KIAA2012: variants seen among roughly 807,000 people sequenced by gnomAD.
KIAA2012 encodes uncharacterized protein KIAA2012.
Under a neutral mutation model 150.6 loss-of-function variants are expected in KIAA2012, and 125 were observed. The ratio of observed to expected loss-of-function variants is 0.83; its 90% CI spans 0.72 to 0.96. The LOEUF (loss-of-function observed/expected upper bound fraction) is 0.96. Ranked by LOEUF, KIAA2012 falls within the 40% of genes least tolerant of loss-of-function variation. KIAA2012 has a pLI of 0.00. For missense variants in KIAA2012, 1,219 were observed against 1,354.9 expected, an observed-to-expected ratio of 0.90 and a Z score of 1.57; for synonymous variants, 462 against 504.7, an observed-to-expected ratio of 0.92 and a Z score of 1.13.
intron 13 of KIAA2012, among the ~76,000 whole-genome samples, chr2:202,142,337 A>G (rs1691210714): frequency 6.6e-6 from 1 of 152,238 alleles, no homozygotes; most frequent in Non-Finnish European, 1.5e-5. Flanking sequence ...TGAAATATCC[A>G]TTGATTATGT....
chr2:202,142,594 A>G (rs914850089), intron 13 of KIAA2012, among the ~76,000 whole-genome samples: 1 of 152,216 alleles, frequency 6.6e-6, no homozygotes, highest in Non-Finnish European at 1.5e-5. Context: ...TCTGGTTCAC[A>G]AGTAGGAAGG....
chr2:202,075,440 A>T (rs1044801204), intron 2 of KIAA2012, among the ~76,000 whole-genome samples: 2 of 152,194 alleles, frequency 1.3e-5, no homozygotes, highest in African/African-American at 4.8e-5. Context: ...TTTTCCTTTC[A>T]GTTAGAGTAA....
At chr2:202,155,438 CT>C (rs1210365290) in intron 14 of KIAA2012, among the ~76,000 whole-genome samples, 1 of 152,146 alleles carries the variant, frequency 6.6e-6, no homozygotes, top group Non-Finnish European at 1.5e-5. Flanking sequence ...TTGGCCCATC[CT>C]TTTCATCGCA....
intron 12 of KIAA2012, among the ~76,000 whole-genome samples, chr2:202,133,153 G>A (rs1343533435): frequency 1.6e-5 from 2 of 126,214 alleles, no homozygotes; most frequent in Admixed American, 8.3e-5. Flanking sequence ...CTGGAGAATG[G>A]AGACCACCAC....
intron 15 of KIAA2012, among the ~76,000 whole-genome samples, chr2:202,173,919 GT>G (rs1183911358): frequency 6.6e-6 from 1 of 152,152 alleles, no homozygotes; most frequent in Non-Finnish European, 1.5e-5. Flanking sequence ...AAAACCTATA[GT>G]AAACATCACA....
At chr2:202,178,199 A>G (rs2105735045) in intron 15 of KIAA2012, among the ~76,000 whole-genome samples, 2 of 150,614 alleles carry the variant, frequency 1.3e-5, no homozygotes, top group South Asian at 4.4e-4. Context: ...ACTCTGTCTC[A>G]GAAAAAGAAA....
intron 11 of KIAA2012, 29 bp downstream of exon 11, chr2:202,113,475 G>T (rs1379458599): frequency 7.3e-5 from 84 of 1,149,974 alleles, no homozygotes; most frequent in Middle Eastern, 4.2e-4. Flanking sequence ...GGGCAGCCTT[G>T]TTTTTTTTTT....
Position 202,154,259 on chromosome 2 carries a change from A to G in KIAA2012, c.1909-414A>G, listed in dbSNP as rs534012451. The stretch of plus-strand genomic sequence containing the variant: ...ACCATTCAGCCACTATATAAGTATC[A>G]AAAATATCTCATTAAAAAGGAGCCT... On this transcript the variant is annotated intron_variant, in intron 13 of 23. Transcript: ENST00000498697. Among the ~76,000 whole-genome samples, 29 of 152,382 alleles carry G rather than the reference A, an allele frequency of 1.9e-4. No individual in the cohort carries two copies. In the South Asian group the frequency reaches 2.7e-3, roughly 14 times the overall value.
At chr2:202,132,802 A>ATTTTT (rs1227829333) in intron 12 of KIAA2012, among the ~76,000 whole-genome samples, 3,040 of 94,594 alleles carry the variant, frequency 0.032, 183 homozygotes, top group African/African-American at 0.1. Context: ...ATATATATAT[A>ATTTTT]TTTTTTTTTT....
chr2:202,111,833 ATG>A lies in KIAA2012; in HGVS notation c.1652-1494_1652-1493del, dbSNP rs536582354. ...GCCTGCCCTGTGAGAGTGTGCATAT[ATG>A]TGTGTGTGCCCCTGTGTGAATATGT... is the stretch of plus-strand genomic sequence containing the variant. On this transcript the variant is annotated intron_variant, in intron 10 of 23. Transcript: ENST00000498697. 2.6e-4 allele frequency among the ~76,000 whole-genome samples: 40 copies of A among 152,002 alleles called. No homozygotes were observed. In the East Asian group the frequency reaches 7.0e-3, roughly 26 times the overall value.
At chr2:202,174,534 T>C (rs559949881) in intron 15 of KIAA2012, among the ~76,000 whole-genome samples, 2 of 152,286 alleles carry the variant, frequency 1.3e-5, no homozygotes, top group Admixed American at 6.5e-5. Flanking sequence ...CAGAAATCAA[T>C]TGTGTAAAAA....
chr2:202,194,501 G>T, intron 21 of KIAA2012, 139 bp downstream of exon 21: 1 of 657,372 alleles, frequency 1.5e-6, no homozygotes, highest in Non-Finnish European at 2.1e-6. Context: ...ATTTTTCAAA[G>T]TGATTATGTA....
intron 12 of KIAA2012, among the ~76,000 whole-genome samples, chr2:202,134,882 A>G (rs1194304250): frequency 6.6e-6 from 1 of 152,260 alleles, no homozygotes; most frequent in Non-Finnish European, 1.5e-5. Flanking sequence ...ATTGAAAACA[A>G]CAAACAATGA....
chr2:202,139,234 GAAAAAAA>G (rs112360052), intron 13 of KIAA2012, among the ~76,000 whole-genome samples: 1 of 116,366 alleles, frequency 8.6e-6, no homozygotes, highest in African/African-American at 3.2e-5. Flanking sequence ...CCTGTCTCAG[GAAAAAAA>G]AAAAAAAAAA....
intron 16 of KIAA2012, 107 bp downstream of exon 16, chr2:202,184,950 C>T: frequency 3.8e-6 from 3 of 787,888 alleles, no homozygotes; most frequent in Non-Finnish European, 5.9e-6. Context: ...GAGTTCTCAG[C>T]TGACAGTATG....
chr2:202,195,868 T>C (rs956739632), intron 21 of KIAA2012, among the ~76,000 whole-genome samples: 2 of 152,262 alleles, frequency 1.3e-5, no homozygotes, highest in African/African-American at 4.8e-5. Context: ...TCATTCTTTT[T>C]ATGGATAAGT....
intron 12 of KIAA2012, among the ~76,000 whole-genome samples, chr2:202,131,888 C>G (rs911026495): frequency 7.2e-5 from 11 of 152,222 alleles, no homozygotes; most frequent in African/African-American, 2.4e-4. Flanking sequence ...TAGAAAGCAG[C>G]TAAGAGGCCT....
intron 21 of KIAA2012, among the ~76,000 whole-genome samples, chr2:202,196,088 T>G (rs1692407471): frequency 6.6e-6 from 1 of 151,496 alleles, no homozygotes; most frequent in Non-Finnish European, 1.5e-5. Flanking sequence ...GAGGAAGAGA[T>G]AGGAACTTCA....
chr2:202,122,901 A>G (rs372525234), intron 11 of KIAA2012, among the ~76,000 whole-genome samples: 6 of 152,354 alleles, frequency 3.9e-5, no homozygotes, highest in African/African-American at 1.4e-4. Context: ...GAAAACAACA[A>G]CTAAGGCCTG....
Sources: allele counts gnomAD v4.1 joint callset (sites outside exome capture counted in the v4.1 genomes callset), GRCh38; gene constraint gnomAD v4.1.1; transcripts MANE v1.5; gene names NCBI Gene and HGNC (gene_info 2026-07-23, HGNC 2026-07-21).